JAZF1: variants seen among roughly 807,000 people sequenced by gnomAD.
JAZF1 encodes JAZF zinc finger 1.
A neutral mutation model predicts 26.4 loss-of-function variants in JAZF1; 8 were observed. The observed-to-expected ratio is 0.30, with a 90% CI of 0.18 to 0.55. The LOEUF is 0.55. Among genes scored for constraint, JAZF1 ranks in the 20% least tolerant of loss-of-function variants. The pLI, the probability that JAZF1 is intolerant of heterozygous loss-of-function variation, is 0.94. For missense variants in JAZF1, 199 were observed against 322.0 expected (o/e 0.62, Z 2.92); for synonymous variants, 126 against 122.3 (o/e 1.03, Z -0.20).
intron 1 of JAZF1, among the ~76,000 whole-genome samples, chr7:28,098,507 T>C (rs142578746): frequency 9.2e-5 from 14 of 152,230 alleles, no homozygotes; most frequent in African/African-American, 3.4e-4. Context: ...CCAAGAGGCA[T>C]TACTAAACAA....
chr7:27,986,777 T>G (rs532557943), intron 2 of JAZF1, among the ~76,000 whole-genome samples: 1 of 152,246 alleles, frequency 6.6e-6, no homozygotes, highest in Non-Finnish European at 1.5e-5. Flanking sequence ...TGCCTCAGCC[T>G]GCCCAGTGCC....
chr7:27,866,035 G>C (rs957508658), intron 3 of JAZF1, among the ~76,000 whole-genome samples: 1 of 152,162 alleles, frequency 6.6e-6, no homozygotes, highest in Non-Finnish European at 1.5e-5. Context: ...GCCGTCATCA[G>C]GCTGCTACCT....
At chr7:28,009,343 T>C (rs936732416) in intron 1 of JAZF1, among the ~76,000 whole-genome samples, 1 of 152,124 alleles carries the variant, frequency 6.6e-6, no homozygotes, top group Non-Finnish European at 1.5e-5. Context: ...CAGTTCAGTG[T>C]TTTTACAGTA....
At position 27,870,075 on chromosome 7, in the gene JAZF1, ATTTTTTT is replaced by A. The variant is rs371770357; in HGVS notation, c.385+25138_385+25144del. 8.5e-3 allele frequency among the ~76,000 whole-genome samples: 1,023 copies of A among 120,654 alleles called. 9 individuals are homozygous for A. Among genetic ancestry groups the A allele is most frequent in the African/African-American group, 0.028 (880 of 31,184 alleles). 79.2% of individuals were successfully genotyped at this position (120,654 alleles called of 152,430 possible). A position where few individuals can be genotyped will look rare whatever the true frequency, so the allele number is the denominator to read the frequency against. ...AGGCGCACACTGCCACACCCGGTTA[ATTTTTTT>A]TTTTTTTTTTTTTTTTGTATTTTTA... On this transcript the variant is annotated intron_variant, in intron 3 of 4. Coordinates refer to ENST00000283928, the MANE Select transcript of JAZF1 (RefSeq NM_175061.4).
chr7:28,059,913 C>T (rs1783771389), intron 1 of JAZF1, among the ~76,000 whole-genome samples: 1 of 152,120 alleles, frequency 6.6e-6, no homozygotes, highest in Non-Finnish European at 1.5e-5. Context: ...TTTACTATGC[C>T]ATATCTAGGC....
intron 1 of JAZF1, among the ~76,000 whole-genome samples, chr7:28,037,068 T>A (rs1287195565): frequency 2.0e-5 from 3 of 152,124 alleles, no homozygotes; most frequent in African/African-American, 7.2e-5. Flanking sequence ...AGGGAATCAA[T>A]CTGTTCAGAG....
At chr7:28,081,896 T>C (rs111691641) in intron 1 of JAZF1, among the ~76,000 whole-genome samples, 3 of 152,338 alleles carry the variant, frequency 2.0e-5, no homozygotes, top group Non-Finnish European at 2.9e-5. Flanking sequence ...AAGATCACTA[T>C]AGTAAAACTA....
intron 2 of JAZF1, among the ~76,000 whole-genome samples, chr7:27,906,496 G>T (rs746394787): frequency 6.6e-6 from 1 of 152,110 alleles, no homozygotes; most frequent in Non-Finnish European, 1.5e-5. Context: ...AACAAATATT[G>T]TATATTTTCT....
At chr7:28,081,649 C>A (rs940311128) in intron 1 of JAZF1, among the ~76,000 whole-genome samples, 2 of 152,122 alleles carry the variant, frequency 1.3e-5, no homozygotes, top group Non-Finnish European at 2.9e-5. Context: ...AGCCTCGACA[C>A]CACCAGAGAG....
At chr7:28,106,919 G>A (rs1784561938) in intron 1 of JAZF1, among the ~76,000 whole-genome samples, 2 of 152,212 alleles carry the variant, frequency 1.3e-5, no homozygotes, top group Non-Finnish European at 2.9e-5. Context: ...GCTAGCACAA[G>A]GCTGGAACTG....
At chr7:27,999,473 T>C (rs151019989) in intron 1 of JAZF1, among the ~76,000 whole-genome samples, 1 of 152,136 alleles carries the variant, frequency 6.6e-6, no homozygotes, top group Non-Finnish European at 1.5e-5. Context: ...GGCTCTCGAA[T>C]TCATCTCTGA....
At chr7:28,174,358 T>TTCTCAAATG (rs1783517290) in intron 1 of JAZF1, among the ~76,000 whole-genome samples, 1 of 152,198 alleles carries the variant, frequency 6.6e-6, no homozygotes, top group Non-Finnish European at 1.5e-5. Context: ...GGCCTCTGGC[T>TTCTCAAATG]TCCAAACAGT....
chr7:27,887,828 C>T (rs1467665777), intron 3 of JAZF1, among the ~76,000 whole-genome samples: 1 of 152,168 alleles, frequency 6.6e-6, no homozygotes, highest in African/African-American at 2.4e-5. Flanking sequence ...GCCATCCTCA[C>T]TCCAACATTT....
chr7:27,884,291 C>T (rs1435390407), intron 3 of JAZF1, among the ~76,000 whole-genome samples: 1 of 152,202 alleles, frequency 6.6e-6, no homozygotes, highest in Non-Finnish European at 1.5e-5. Context: ...CCACCACACC[C>T]AGCTAATTTT....
At chr7:28,081,335 C>T (rs1784133542) in intron 1 of JAZF1, among the ~76,000 whole-genome samples, 1 of 152,162 alleles carries the variant, frequency 6.6e-6, no homozygotes, top group Non-Finnish European at 1.5e-5. Context: ...GGAACCAACA[C>T]CAACATGGGG....
chr7:28,033,757 G>A (rs547370092), intron 1 of JAZF1, among the ~76,000 whole-genome samples: 43 of 152,048 alleles, frequency 2.8e-4, no homozygotes, highest in Admixed American at 2.7e-3. Context: ...TTTTGGGGGG[G>A]CAATGGGAGG....
intron 2 of JAZF1, among the ~76,000 whole-genome samples, chr7:27,943,126 T>C (rs1784873713): frequency 6.6e-6 from 1 of 152,184 alleles, no homozygotes; most frequent in Non-Finnish European, 1.5e-5. Context: ...GTTCTGAGCA[T>C]AACTGGAGGC....
chr7:28,167,747 T>C (rs1195952713), intron 1 of JAZF1, among the ~76,000 whole-genome samples: 1 of 152,200 alleles, frequency 6.6e-6, no homozygotes, highest in African/African-American at 2.4e-5. Flanking sequence ...TAATACACTT[T>C]TAGGATTAAG....
At chr7:27,879,400 C>T (rs372315316) in intron 3 of JAZF1, among the ~76,000 whole-genome samples, 1 of 152,154 alleles carries the variant, frequency 6.6e-6, no homozygotes, top group Non-Finnish European at 1.5e-5. Context: ...ACACCATGCT[C>T]CTATCACCTG....
Sources: allele counts gnomAD v4.1 joint callset (sites outside exome capture counted in the v4.1 genomes callset), GRCh38; gene constraint gnomAD v4.1.1; transcripts MANE v1.5; gene names NCBI Gene and HGNC (gene_info 2026-07-23, HGNC 2026-07-21).